The following ZNF469 variants were observed in gnomAD, a reference collection of about 807,000 sequenced individuals.
The protein encoded by ZNF469 is zinc finger protein 469.
ZNF469 carries 1 observed loss-of-function variant against 1.0 expected under a neutral mutation model. The ratio of observed to expected loss-of-function variants is 1.00; its 90% CI spans 0.35 to 4.73. ZNF469 has a LOEUF of 4.73. Among genes scored for constraint, ZNF469 ranks in the 30% most tolerant of loss-of-function variants. ZNF469 has a pLI of 0.16. For synonymous variants in ZNF469, 2,703 were observed against 2,363.4 expected, an observed-to-expected ratio of 1.14 and a Z score of -4.17; for missense variants, 6,100 against 5,356.3, an observed-to-expected ratio of 1.14 and a Z score of -4.33.
chr16:88,391,078 A>G (rs374649593), intron 1 of ZNF469, among the ~76,000 whole-genome samples: 21 of 152,292 alleles, frequency 1.4e-4, no homozygotes, highest in African/African-American at 4.8e-4. Flanking sequence ...ATGTCATGCA[A>G]TTGCATTTGG....
Position 88,429,742 on chromosome 16 carries a change from G to C in ZNF469, c.2272G>C (p.Ala758Pro). The change falls in exon 3 of 3, where the codon GCC becomes CCC. Residue 758 changes from alanine to proline, a missense_variant. By Grantham distance (27) the Ala-to-Pro change is conservative. Transcript: ENST00000565624. ...CCGGCAGTTCTGTGGCCTGCTCCTG[G>C]CCAGGGCCAAGGATGGCCACCAGCG... ...AHRQFCGLLLARAKDGHQRSP... is the reference protein window; with the variant it reads ...AHRQFCGLLLPRAKDGHQRSP... The C allele has an allele frequency of 6.5e-7, 1 of 1,544,626 alleles. No individual in the cohort carries two copies. The highest frequency in any genetic ancestry group is 1.2e-5 in the South Asian group (1 of 83,950).
At chr16:88,331,425 ACAC>A in the ZNF469 span, among the ~76,000 whole-genome samples, 1 of 141,772 alleles carries the variant, frequency 7.1e-6, no homozygotes, top group African/African-American at 2.7e-5. Flanking sequence ...ACCACCACCA[ACAC>A]CACCATCATA....
chr16:88,226,989 G>A, the ZNF469 span, among the ~76,000 whole-genome samples: 1 of 149,062 alleles, frequency 6.7e-6, no homozygotes, highest in East Asian at 2.0e-4. Context: ...CGGGGCCTGC[G>A]CGTTTCCACC....
At chr16:88,237,771 TCACCCTCCCTGCCCTCCTTGCTCCCG>T in the ZNF469 span, among the ~76,000 whole-genome samples, 13 of 57,536 alleles carry the variant, frequency 2.3e-4, no homozygotes, top group Admixed American at 3.7e-4. Context: ...CTCCTGCCAC[TCACCCTCCCTGCCCTCCTTGCTCCCG>T]CCACTCACCC....
chr16:88,181,405 T>G, the ZNF469 span, among the ~76,000 whole-genome samples: 1 of 152,212 alleles, frequency 6.6e-6, no homozygotes, highest in Admixed American at 6.5e-5. Flanking sequence ...ACATGGAGCA[T>G]TCACCAAGAT....
chr16:88,256,489 AC>A, the ZNF469 span, among the ~76,000 whole-genome samples: 39 of 152,266 alleles, frequency 2.6e-4, no homozygotes, highest in Admixed American at 6.5e-5. Context: ...CATTTTGGCC[AC>A]AGTGAATAAA....
intron 1 of ZNF469, among the ~76,000 whole-genome samples, chr16:88,397,802 C>T (rs111414259): frequency 7.2e-4 from 110 of 152,250 alleles, no homozygotes; most frequent in African/African-American, 2.5e-3. Context: ...TTGGAAATCC[C>T]CTCCCTGGAT....
At chr16:88,356,635 G>A in the ZNF469 span, among the ~76,000 whole-genome samples, 5 of 152,122 alleles carry the variant, frequency 3.3e-5, no homozygotes, top group South Asian at 6.2e-4. Context: ...GGCTCAGAAG[G>A]TCCTCCAAGG....
chr16:88,163,895 A>G, the ZNF469 span, among the ~76,000 whole-genome samples: 19 of 140,432 alleles, frequency 1.4e-4, no homozygotes, highest in African/African-American at 2.4e-4. Flanking sequence ...TGGGTAGATG[A>G]ATGGATGGAT....
At chr16:88,160,207 C>T in the ZNF469 span, among the ~76,000 whole-genome samples, 28 of 152,344 alleles carry the variant, frequency 1.8e-4, 1 homozygote, top group Middle Eastern at 6.8e-3. Context: ...TAAGGAGCCA[C>T]GGCTGTCGCT....
chr16:88,132,000 C>T, the ZNF469 span, among the ~76,000 whole-genome samples: 5,262 of 152,352 alleles, frequency 0.035, 153 homozygotes, highest in Non-Finnish European at 0.045. Context: ...CAGCGATGCT[C>T]CGCCCGTGGG....
the ZNF469 span, among the ~76,000 whole-genome samples, chr16:88,305,213 C>T: frequency 6.6e-6 from 1 of 152,144 alleles, no homozygotes; most frequent in Non-Finnish European, 1.5e-5. Flanking sequence ...TGTCAGTGCA[C>T]ACCCTCACAC....
the ZNF469 span, among the ~76,000 whole-genome samples, chr16:88,114,372 ACACT>A: frequency 4.5e-5 from 6 of 132,644 alleles, no homozygotes; most frequent in African/African-American, 1.2e-4. Context: ...GACAGGGACC[ACACT>A]CACTCACTGT....
chr16:88,434,807 A>C lies in ZNF469; in HGVS notation c.7337A>C (p.Gln2446Pro). 1 of 1,550,302 alleles carries C rather than the reference A, an allele frequency of 6.5e-7. No individual in the cohort carries two copies. Among genetic ancestry groups the C allele is most frequent in the African/African-American group, 1.4e-5 (1 of 73,172 alleles). ...GDPLGPQDLK[Q>P]RSRGYKKKPA... ...CCCCTCGGCCCCCAAGACCTCAAAC[A>C]GAGGTCCCGTGGCTATAAAAAGAAG... is the stretch of plus-strand genomic sequence containing the variant. Residue 2446 changes from glutamine (Q) to proline (P), a missense_variant, in exon 3 of 3, where the codon CAG becomes CCG. Transcript: ENST00000565624.
At chr16:88,308,721 A>C in the ZNF469 span, among the ~76,000 whole-genome samples, 1 of 152,160 alleles carries the variant, frequency 6.6e-6, no homozygotes, top group Non-Finnish European at 1.5e-5. Flanking sequence ...ATGGGATGCA[A>C]AGCACAGAAG....
intron 1 of ZNF469, among the ~76,000 whole-genome samples, chr16:88,401,318 C>T (rs943720860): frequency 7.9e-5 from 12 of 152,338 alleles, no homozygotes; most frequent in Admixed American, 1.3e-4. Context: ...GGGGACAGTA[C>T]GGCAGTGGCT....
At chr16:88,294,743 A>G in the ZNF469 span, 1 of 152,290 alleles carries the variant, frequency 6.6e-6, no homozygotes, top group Admixed American at 6.5e-5. Context: ...AATGCAGCCG[A>G]TGAAATGGAA....
At chr16:88,371,364 C>G in the ZNF469 span, among the ~76,000 whole-genome samples, 1 of 152,240 alleles carries the variant, frequency 6.6e-6, no homozygotes, top group South Asian at 2.1e-4. Flanking sequence ...CATGAGCAAT[C>G]AAGTTCTCAC....
chr16:88,307,154 C>G, the ZNF469 span, among the ~76,000 whole-genome samples: 1 of 152,246 alleles, frequency 6.6e-6, no homozygotes, highest in East Asian at 1.9e-4. Context: ...TTTCAAGGTC[C>G]CCCACACTGG....
Sources: gnomAD v4.1 joint callset for allele counts (sites outside exome capture counted in the v4.1 genomes callset) on GRCh38, gnomAD v4.1.1 for gene constraint, MANE v1.5 for transcripts, NCBI Gene and HGNC (gene_info 2026-07-23, HGNC 2026-07-21) for gene names.